AHI1: variants seen among roughly 807,000 people sequenced by gnomAD.
AHI1 encodes the protein jouberin.
Under a neutral mutation model 149.3 loss-of-function variants are expected in AHI1, and 123 were observed. The ratio of observed to expected loss-of-function variants is 0.82; its 90% CI spans 0.71 to 0.96. AHI1 has a LOEUF of 0.96. Among genes scored for constraint, AHI1 ranks in the 40% least tolerant of loss-of-function variants. The probability of loss-of-function intolerance (pLI) is 0.00; values close to 1 mark genes in which losing one functional copy is unlikely to be tolerated. For missense variants in AHI1, 1,439 were observed against 1,422.7 expected, an observed-to-expected ratio of 1.01 and a Z score of -0.18; for synonymous variants, 475 against 459.8, an observed-to-expected ratio of 1.03 and a Z score of -0.42.
At chr6:135,476,545 CTTG>C (rs1003580353) in intron 5 of AHI1, among the ~76,000 whole-genome samples, 9 of 151,672 alleles carry the variant, frequency 5.9e-5, no homozygotes, top group East Asian at 3.9e-4. Flanking sequence ...TTTTTGACTA[CTTG>C]TTGTATCAAT....
At chr6:135,364,716 C>A (rs1015879951) in intron 23 of AHI1, among the ~76,000 whole-genome samples, 3 of 152,182 alleles carry the variant, frequency 2.0e-5, no homozygotes, top group Non-Finnish European at 4.4e-5. Context: ...ACAGCGAATC[C>A]CCGTCTCCAC....
chr6:135,443,320 A>G (rs1434478735), intron 13 of AHI1, among the ~76,000 whole-genome samples: 1 of 152,180 alleles, frequency 6.6e-6, no homozygotes, highest in Non-Finnish European at 1.5e-5. Context: ...TCTGGGTATT[A>G]ATGTCTACTG....
At chr6:135,457,829 G>T in intron 8 of AHI1, 116 bp from the exon 9 acceptor site, 1 of 964,986 alleles carries the variant, frequency 1.0e-6, no homozygotes, top group Non-Finnish European at 1.5e-6. Context: ...GGAACTTCAG[G>T]GGGAAAGAAA....
At chr6:135,385,445 A>G (rs1777444091) in intron 23 of AHI1, among the ~76,000 whole-genome samples, 1 of 152,230 alleles carries the variant, frequency 6.6e-6, no homozygotes, top group African/African-American at 2.4e-5. Context: ...AAGTGATCCA[A>G]TGTGTCAAAT....
At chr6:135,404,287 G>C (rs1177880627) in intron 22 of AHI1, among the ~76,000 whole-genome samples, 5 of 152,096 alleles carry the variant, frequency 3.3e-5, no homozygotes. Context: ...GCTTGTAAAA[G>C]AGGAAAGCTG....
At position 135,442,319 on chromosome 6, in the gene AHI1, A is replaced by C. The variant is rs913807460; in HGVS notation, c.1912+263T>G. ...CAAATTTCTATATTTAAAATACAAAATGTTTACAAAAATCCTCCTGCATGT... is the reference window on the plus strand; with the variant it reads ...CAAATTTCTATATTTAAAATACAAACTGTTTACAAAAATCCTCCTGCATGT... On this transcript the variant is annotated intron_variant, in intron 14 of 28. Transcript: ENST00000265602. Among the ~76,000 whole-genome samples the C allele has an allele frequency of 3.3e-5, 5 of 152,154 alleles. No homozygotes were observed. The East Asian group carries it at 9.6e-4, about 29-fold the overall frequency.
chr6:135,436,148 A>C (rs1785367742), intron 15 of AHI1, among the ~76,000 whole-genome samples: 1 of 152,200 alleles, frequency 6.6e-6, no homozygotes, highest in Non-Finnish European at 1.5e-5. Context: ...AAAGCTGGGA[A>C]AGGTAAGAGA....
At chr6:135,431,409 G>A in intron 16 of AHI1, 95 bp from the exon 17 acceptor site, 2 of 661,892 alleles carry the variant, frequency 3.0e-6, no homozygotes, top group South Asian at 7.8e-5. Flanking sequence ...CAGTAAAACA[G>A]TCAAAGAATT....
rs1004676211 is a variant in AHI1, at chr6:135,323,165, C to T, written c.3325G>A (p.Glu1109Lys). Residue 1109 changes from glutamate (E) to lysine (K), a missense_variant, in exon 25 of 29, where the codon GAA (glutamate) becomes AAA (lysine). Transcript: ENST00000265602. ...AGGAAGGGAGCATAAAACTTACTTTCACTAGCCACATGATTAGCTGGAAAA... is the reference window on the plus strand; with the variant it reads ...AGGAAGGGAGCATAAAACTTACTTTTACTAGCCACATGATTAGCTGGAAAA... Reference protein sequence around the residue: ...GYFPANHVASETLYQELPPEI... With the variant: ...GYFPANHVASKTLYQELPPEI... 1.2e-6 allele frequency: 2 copies of T among 1,607,136 alleles called. No individual in the cohort carries two copies.
chr6:135,338,254 C>T (rs546315555), intron 24 of AHI1, among the ~76,000 whole-genome samples: 8 of 144,206 alleles, frequency 5.5e-5, no homozygotes, highest in East Asian at 2.1e-4. Context: ...GAGCTGAGAT[C>T]GCACCACTGA....
intron 21 of AHI1, among the ~76,000 whole-genome samples, chr6:135,409,489 T>C (rs1273773772): frequency 1.3e-5 from 2 of 152,152 alleles, no homozygotes; most frequent in Non-Finnish European, 2.9e-5. Context: ...GATATATATG[T>C]AAATGGACTG....
At chr6:135,476,668 CAT>C (rs1792701355) in intron 5 of AHI1, among the ~76,000 whole-genome samples, 1 of 151,964 alleles carries the variant, frequency 6.6e-6, no homozygotes, top group Non-Finnish European at 1.5e-5. Context: ...TTATGAGTTT[CAT>C]ACACAGTCAG....
At position 135,466,385 on chromosome 6, in the gene AHI1, A is replaced by C. The variant is rs750352274; in HGVS notation, c.190-12T>G. 1.2e-6 allele frequency: 2 copies of C among 1,606,814 alleles called. No homozygotes were observed. Among genetic ancestry groups the C allele is most frequent in the South Asian group, 2.2e-5 (2 of 89,862 alleles). On this transcript the variant is annotated splice_polypyrimidine_tract_variant and intron_variant, in intron 6 of 28. Transcript: ENST00000265602. ...CTAATAGTGTCGGGCTAGGAAAAGA[A>C]GACATGATAACAAAGTTTCAGTTAC...
At chr6:135,357,305 A>G (rs1469594605) in intron 24 of AHI1, among the ~76,000 whole-genome samples, 1 of 152,236 alleles carries the variant, frequency 6.6e-6, no homozygotes, top group African/African-American at 2.4e-5. Flanking sequence ...GAAATCCTCC[A>G]AAATCTGAAA....
intron 26 of AHI1, among the ~76,000 whole-genome samples, chr6:135,305,379 A>T (rs938048963): frequency 2.0e-5 from 3 of 152,244 alleles, no homozygotes; most frequent in Non-Finnish European, 4.4e-5. Context: ...ATAAATTGTA[A>T]TCAAAACTAT....
Position 135,466,071 on chromosome 6 carries a change from G to A in AHI1, c.492C>T (p.Gly164=), listed in dbSNP as rs777755428. The A allele has an allele frequency of 9.3e-6, 15 of 1,613,778 alleles. No individual in the cohort carries two copies. Among genetic ancestry groups the A allele is most frequent in the African/African-American group, 5.3e-5 (4 of 74,966 alleles). ...CCTTCTCACTTTTCTGATGATCAAC[G>A]CCTGGCTGTGGCTTTGTATGTGTTT... ...HQKTHTKPQP[G]VDHQKSEKAN... is the part of the protein sequence containing the mutation. Residue 164 remains glycine, a synonymous_variant, in exon 7 of 29, where the codon GGC becomes GGT. Transcript: ENST00000265602.
chr6:135,373,828 A>C (rs370545116), intron 23 of AHI1, among the ~76,000 whole-genome samples: 2 of 152,078 alleles, frequency 1.3e-5, no homozygotes, highest in South Asian at 4.1e-4. Flanking sequence ...GCTACTTGCT[A>C]AGCACAAGGC....
In AHI1 at chr6:135,473,121, C is replaced by A. The variant is rs9494247; in HGVS notation, c.136-5487G>T. 9.8e-3 allele frequency among the ~76,000 whole-genome samples: 1,486 copies of A among 152,212 alleles called. 28 individuals are homozygous for A. Among genetic ancestry groups the A allele is most frequent in the African/African-American group, 0.034 (1,392 of 41,546 alleles). On this transcript the variant is annotated intron_variant, in intron 5 of 28. Transcript: ENST00000265602. Reference sequence around the variant, plus strand: ...TCTTAAATATGTCTTTGATCCACTTCTAGTTAATTTTTAAACATGACATGA... The same window carrying A: ...TCTTAAATATGTCTTTGATCCACTTATAGTTAATTTTTAAACATGACATGA...
chr6:135,323,136 A>C (rs1260894759), intron 25 of AHI1, 26 bp downstream of exon 25: 10 of 1,584,848 alleles, frequency 6.3e-6, no homozygotes, highest in Non-Finnish European at 7.7e-6. Flanking sequence ...CATACTAGTA[A>C]ACCAGGAAGG....
Sources: allele counts gnomAD v4.1 joint callset (sites outside exome capture counted in the v4.1 genomes callset), GRCh38; gene constraint gnomAD v4.1.1; transcripts MANE v1.5; gene names NCBI Gene and HGNC (gene_info 2026-07-23, HGNC 2026-07-21).